Variants in VRTN observed in about 807,000 individuals in gnomAD.
VRTN encodes vertebrae development associated.
Under a neutral mutation model 18.2 loss-of-function variants are expected in VRTN, and 5 were observed. That is an observed-to-expected ratio of 0.27 (90% CI 0.14 to 0.58). VRTN has a LOEUF of 0.58. Ranked by LOEUF, VRTN falls within the 20% of genes least tolerant of loss-of-function variation. The pLI is 0.91. For missense variants in VRTN, 741 were observed against 939.4 expected (o/e 0.79, Z 2.76); for synonymous variants, 381 against 393.7 (o/e 0.97, Z 0.38).
At chr14:74,347,460 T>C (rs1228522301), upstream of VRTN, among the ~76,000 whole-genome samples, 4 of 152,124 alleles carry the variant, frequency 2.6e-5, no homozygotes, top group African/African-American at 9.7e-5. Flanking sequence ...GGAGCTGTGA[T>C]TGAGAGAGGA....
intron 1 of VRTN, among the ~76,000 whole-genome samples, chr14:74,317,074 ATCTT>A (rs1405107041): frequency 3.3e-5 from 5 of 152,196 alleles, no homozygotes; most frequent in Admixed American, 6.6e-5. Context: ...AAAAATTTGA[ATCTT>A]TATTGTTACA....
chr14:74,330,732 C>T (rs555425898), intron 1 of VRTN, among the ~76,000 whole-genome samples: 3 of 151,794 alleles, frequency 2.0e-5, no homozygotes, highest in South Asian at 2.1e-4. Flanking sequence ...TGAGCCACCG[C>T]GCCCAACAGC....
At chr14:74,347,237 A>G (rs2085649317), upstream of VRTN, among the ~76,000 whole-genome samples, 1 of 152,194 alleles carries the variant, frequency 6.6e-6, no homozygotes, top group African/African-American at 2.4e-5. Context: ...AATTTGCCCA[A>G]GGCCACATTC....
intron 1 of VRTN, among the ~76,000 whole-genome samples, chr14:74,311,644 G>C (rs2085389501): frequency 6.6e-6 from 1 of 151,126 alleles, no homozygotes. Context: ...TCCTGACCTC[G>C]GGTGATCTGC....
chr14:74,322,059 G>T lies in VRTN; in HGVS notation c.-163-15664G>T, dbSNP rs141323804. Among the ~76,000 whole-genome samples, 138 of 150,752 alleles carry T rather than the reference G, an allele frequency of 9.2e-4. 2 individuals are homozygous for T. In the East Asian group the frequency reaches 0.024, roughly 27 times the overall value. ...GACGGGGTTTCACCATGTTGGCCAG[G>T]ATGGTCTCGATCTCTTGACCTCATG... On this transcript the variant is annotated intron_variant, in intron 1 of 2. Transcript: ENST00000557177.
Position 74,358,270 on chromosome 14 carries a change from A to G in VRTN, c.1487A>G (p.Glu496Gly). Reference sequence around the variant, plus strand: ...GGTGAGGACCCTCCCGCCCCCGGGGAGCTCCTGCCACTAAGGATGCCCCTG... The same window carrying G: ...GGTGAGGACCCTCCCGCCCCCGGGGGGCTCCTGCCACTAAGGATGCCCCTG... ...ATGEDPPAPG[E>G]LLPLRMPLSR... Residue 496 changes from glutamate (E) to glycine (G), a missense_variant, in exon 2 of 2, where the codon GAG becomes GGG. Glu to Gly is a moderately conservative substitution (Grantham distance 98). Around this residue, in one of 3 missense-constraint regions of VRTN, gnomAD observed 494 missense variants for 546.5 expected, o/e 0.90. Coordinates refer to ENST00000256362, the MANE Select transcript of VRTN (RefSeq NM_018228.3). The surrounding 1 kb of genome is among the most constrained non-coding windows in gnomAD (Gnocchi z 5.4). The G allele has an allele frequency of 6.2e-7, 1 of 1,610,716 alleles. No homozygotes were observed. The highest frequency in any genetic ancestry group is 1.1e-5 in the South Asian group (1 of 91,000).
At chr14:74,324,479 A>T (rs2085476083) in intron 1 of VRTN, among the ~76,000 whole-genome samples, 1 of 152,014 alleles carries the variant, frequency 6.6e-6, no homozygotes, top group African/African-American at 2.4e-5. Flanking sequence ...ATTTACACAT[A>T]CTTCTCAGAA....
Position 74,358,437 on chromosome 14 carries a change from C to T in VRTN, c.1654C>T (p.Pro552Ser). The change falls in exon 2 of 2, where the codon CCC (proline) becomes TCC (serine). Residue 552 changes from proline (P) to serine (S), a missense_variant. Pro to Ser is a moderately conservative substitution (Grantham distance 74). Around this residue, in one of 3 missense-constraint regions of VRTN, gnomAD observed 494 missense variants for 546.5 expected, o/e 0.90. Transcript: ENST00000256362. This position sits in a 1 kb window ranked among gnomAD's most constrained non-coding sequence, Gnocchi z 5.4. Reference sequence around the variant, plus strand: ...CTGGAAGAGTCTTGCTCGGGGTTGGCCCAGAGGCCTGTCCAAACTTCAGGT... The same window carrying T: ...CTGGAAGAGTCTTGCTCGGGGTTGGTCCAGAGGCCTGTCCAAACTTCAGGT... The part of the protein sequence containing the change: ...WVWKSLARGW[P>S]RGLSKLQVPV... 1 of 1,614,190 alleles carries T rather than the reference C, an allele frequency of 6.2e-7. No homozygotes were observed. The highest frequency in any genetic ancestry group is 8.5e-7 in the Non-Finnish European group (1 of 1,180,040).
At chr14:74,336,486 C>A (rs1313811899) in intron 1 of VRTN, among the ~76,000 whole-genome samples, 1 of 152,102 alleles carries the variant, frequency 6.6e-6, no homozygotes, top group Non-Finnish European at 1.5e-5. Context: ...CTCCCAGACA[C>A]TTCTTTCTAC....
At chr14:74,340,262 G>A (rs1362611278) in intron 2 of VRTN, among the ~76,000 whole-genome samples, 6 of 152,148 alleles carry the variant, frequency 3.9e-5, no homozygotes, top group East Asian at 1.9e-4. Flanking sequence ...ATAGGCATGT[G>A]CCACCACGCC....
upstream of VRTN, among the ~76,000 whole-genome samples, chr14:74,347,218 G>A (rs1394364553): frequency 1.3e-5 from 2 of 152,128 alleles, no homozygotes; most frequent in Admixed American, 6.6e-5. Context: ...AGGCTGGGAG[G>A]GGTTAAACAA....
At chr14:74,337,522 C>T (rs1218392273) in intron 1 of VRTN, among the ~76,000 whole-genome samples, 1 of 152,040 alleles carries the variant, frequency 6.6e-6, no homozygotes, top group East Asian at 1.9e-4. Context: ...GATTGGGAGA[C>T]GTTGAGTTTG....
rs35884901 is a variant in VRTN at position 74,320,563 on chromosome 14, CTTTTTTTTTTTTTTTTTTTTTTT to C, written c.-163-17141_-163-17119del. ...AGACTTGAGCCACTGCGCCCGGCCT[CTTTTTTTTTTTTTTTTTTTTTTT>C]TTTTTTTTTTTTTTTTTTGAGACGG... On this transcript the variant is annotated intron_variant, in intron 1 of 2. Coordinates refer to the VRTN transcript ENST00000557177. Among the ~76,000 whole-genome samples the C allele has an allele frequency of 3.3e-3, 149 of 45,018 alleles. 4 individuals carry two copies. In the East Asian group the frequency reaches 0.054, roughly 16 times the overall value. 29.5% of individuals were successfully genotyped at this position (45,018 alleles called of 152,430 possible).
intron 1 of VRTN, among the ~76,000 whole-genome samples, chr14:74,314,662 C>T (rs1204396051): frequency 6.6e-6 from 1 of 152,092 alleles, no homozygotes; most frequent in Non-Finnish European, 1.5e-5. Context: ...CTCGGCCTCC[C>T]AAAGTGCCAG....
intron 1 of VRTN, among the ~76,000 whole-genome samples, chr14:74,326,443 GCTTGAATGTTCACAGC>G (rs2085488137): frequency 6.6e-6 from 1 of 152,122 alleles, no homozygotes; most frequent in East Asian, 1.9e-4. Flanking sequence ...GGTCTGGCTG[GCTTGAATGTTCACAGC>G]CCTGGAGGAT....
At chr14:74,350,316 C>T (rs76659082) in intron 1 of VRTN, among the ~76,000 whole-genome samples, 6,204 of 151,950 alleles carry the variant, frequency 0.041, 211 homozygotes, top group Admixed American at 0.11. Flanking sequence ...TACCTCCTAC[C>T]TCTTTGGGGA....
chr14:74,310,168 C>T (rs8021905), intron 1 of VRTN, among the ~76,000 whole-genome samples: 26,106 of 152,038 alleles, frequency 0.17, 2,961 homozygotes, highest in East Asian at 0.49. Context: ...GAGGCTGAGG[C>T]GGGTGGATCA....
intron 1 of VRTN, among the ~76,000 whole-genome samples, chr14:74,332,395 G>T (rs1188355107): frequency 6.4e-4 from 69 of 108,126 alleles, no homozygotes; most frequent in Non-Finnish European, 8.1e-4. Flanking sequence ...TTTTGCTGTT[G>T]TTGCCCAGGC....
At chr14:74,307,055 G>T (rs1042047020) in intron 1 of VRTN, among the ~76,000 whole-genome samples, 8 of 150,002 alleles carry the variant, frequency 5.3e-5, no homozygotes, top group East Asian at 2.0e-4. Context: ...GAAGCTAATT[G>T]TCAACTTTAT....
Sources: allele counts gnomAD v4.1 joint callset (sites outside exome capture counted in the v4.1 genomes callset), GRCh38; gene constraint gnomAD v4.1.1; regional missense constraint gnomAD v4.1.1; non-coding constraint Gnocchi (gnomAD v3.1); transcripts MANE v1.5; gene names NCBI Gene and HGNC (gene_info 2026-07-23, HGNC 2026-07-21).